Variants in MMP26 observed in about 807,000 individuals in gnomAD.
MMP26 encodes matrix metallopeptidase 26.
Under a neutral mutation model 31.0 loss-of-function variants are expected in MMP26, and 33 were observed. That is an observed-to-expected ratio of 1.06 (90% CI 0.81 to 1.42). The LOEUF (loss-of-function observed/expected upper bound fraction) is 1.42, where lower values mean the gene tolerates loss of function less well. Ranked by LOEUF, MMP26 falls within the 40% of genes most tolerant of loss-of-function variation. The pLI is 0.00. For synonymous variants in MMP26, 122 were observed against 114.9 expected, an observed-to-expected ratio of 1.06 and a Z score of -0.40; for missense variants, 347 against 316.1, an observed-to-expected ratio of 1.10 and a Z score of -0.74.
chr11:4,773,198 C>T lies in MMP26; in HGVS notation c.-145+5857C>T, dbSNP rs190770733. The stretch of plus-strand genomic sequence containing the variant: ...CTTGGACTCAGCCCATGTTTATCCT[C>T]TGCTGTTGAGTGTGGGTAGGACCTC... On this transcript the variant is annotated intron_variant, in intron 2 of 7. Coordinates refer to ENST00000380390, the MANE Select transcript of MMP26 (RefSeq NM_021801.5). Among the ~76,000 whole-genome samples, 263 of 152,316 alleles carry T rather than the reference C, an allele frequency of 1.7e-3. 1 individual carries two copies. Among genetic ancestry groups the T allele is most frequent in the South Asian group, 9.3e-3 (45 of 4,826 alleles).
chr11:4,848,475 C>G, intron 2 of MMP26: 4 of 1,613,402 alleles, frequency 2.5e-6, no homozygotes, highest in Non-Finnish European at 3.4e-6. Context: ...ACAGGTTTGA[C>G]CAGCCTTCCA....
chr11:4,905,717 G>A (rs10500628), intron 2 of MMP26, among the ~76,000 whole-genome samples: 21,493 of 151,902 alleles, frequency 0.14, 2,082 homozygotes, highest in East Asian at 0.56. Flanking sequence ...AAATATAGGC[G>A]GAATTTATAA....
chr11:4,893,562 A>G (rs1331782071), intron 2 of MMP26, among the ~76,000 whole-genome samples: 1 of 151,992 alleles, frequency 6.6e-6, no homozygotes, highest in Non-Finnish European at 1.5e-5. Flanking sequence ...CCTCAGTCAT[A>G]CTCTTTCCTT....
chr11:4,919,096 G>C (rs1209709315), intron 2 of MMP26: 2 of 152,258 alleles, frequency 1.3e-5, no homozygotes, highest in African/African-American at 4.8e-5. Context: ...ATGTGAGAAA[G>C]CTGTTGTCTA....
At chr11:4,898,870 T>A (rs10836929) in intron 2 of MMP26, among the ~76,000 whole-genome samples, 69,466 of 144,308 alleles carry the variant, frequency 0.48, 18,591 homozygotes, top group Middle Eastern at 0.68. Context: ...TGTGTGTGTG[T>A]GTGTGTTCTT....
rs75490350 is a variant in MMP26, at chr11:4,744,534, G to T, written c.-216-22736G>T. Among the ~76,000 whole-genome samples the T allele has an allele frequency of 3.7e-3, 565 of 152,258 alleles. 6 individuals carry two copies. Among genetic ancestry groups the T allele is most frequent in the African/African-American group, 0.012 (488 of 41,552 alleles). On this transcript the variant is annotated intron_variant, in intron 1 of 7. Transcript: ENST00000380390. ...ATTCAGTGAAGAGGATGAGGAAGAG[G>T]CAGGGCTCTGAGGTCCAATTCAGCT...
At chr11:4,731,955 C>T (rs1774469450) in intron 1 of MMP26, among the ~76,000 whole-genome samples, 2 of 152,162 alleles carry the variant, frequency 1.3e-5, no homozygotes, top group Non-Finnish European at 2.9e-5. Context: ...TCTGTTCCTC[C>T]TGGATGTTGC....
intron 2 of MMP26, among the ~76,000 whole-genome samples, chr11:4,828,778 A>G (rs11034106): frequency 0.084 from 12,790 of 152,244 alleles, 815 homozygotes; most frequent in African/African-American, 0.18. Context: ...TGCCAGAGCA[A>G]TAAGTTGAGA....
intron 2 of MMP26, among the ~76,000 whole-genome samples, chr11:4,889,407 C>G (rs1025576857): frequency 5.9e-5 from 9 of 152,088 alleles, no homozygotes; most frequent in Admixed American, 5.9e-4. Context: ...ATGTTCAGTA[C>G]AGATGCAATC....
chr11:4,858,377 G>T (rs936490746), intron 2 of MMP26, among the ~76,000 whole-genome samples: 1 of 152,142 alleles, frequency 6.6e-6, no homozygotes, highest in African/African-American at 2.4e-5. Flanking sequence ...CTTCAGCAAA[G>T]TCTCAGGATA....
chr11:4,907,568 G>A, intron 2 of MMP26: 1 of 1,613,970 alleles, frequency 6.2e-7, no homozygotes, highest in Non-Finnish European at 8.5e-7. Context: ...TGCCATGTTG[G>A]CTGTCTCTGA....
At chr11:4,964,447 G>A (rs1564816157) in intron 2 of MMP26, among the ~76,000 whole-genome samples, 1 of 152,020 alleles carries the variant, frequency 6.6e-6, no homozygotes, top group Non-Finnish European at 1.5e-5. Context: ...TTTCTGGACT[G>A]TCTATTCTGT....
intron 1 of MMP26, chr11:4,723,668 C>T: frequency 1.1e-6 from 1 of 877,442 alleles, no homozygotes; most frequent in Non-Finnish European, 2.0e-6. Context: ...TTGCAGTTCT[C>T]CATCAGCCCT....
intron 2 of MMP26, among the ~76,000 whole-genome samples, chr11:4,887,604 G>T (rs1276216319): frequency 6.6e-6 from 1 of 152,084 alleles, no homozygotes; most frequent in East Asian, 1.9e-4. Flanking sequence ...TTTGGCAATA[G>T]GTTTCCTAAT....
At chr11:4,833,992 G>C (rs1849681452) in intron 2 of MMP26, among the ~76,000 whole-genome samples, 1 of 152,108 alleles carries the variant, frequency 6.6e-6, no homozygotes, top group East Asian at 1.9e-4. Flanking sequence ...TCGATGGTAT[G>C]TGCTTGGTAG....
chr11:4,990,950 A>C (rs1180854427), intron 5 of MMP26, among the ~76,000 whole-genome samples: 1 of 152,254 alleles, frequency 6.6e-6, no homozygotes, highest in Non-Finnish European at 1.5e-5. Context: ...TGTTGGCTGC[A>C]GTGTGAATAT....
chr11:4,863,762 A>G, intron 2 of MMP26: 1 of 152,188 alleles, frequency 6.6e-6, no homozygotes, highest in East Asian at 1.9e-4. Context: ...CACCTCTGAA[A>G]GAACTCCCAT....
rs1044726102 is a variant in MMP26 at position 4,924,162 on chromosome 11, G to A, written c.-144-63906G>A. The A allele has an allele frequency of 1.9e-6, 3 of 1,614,194 alleles. No homozygotes were observed. In the African/African-American group the frequency reaches 4.0e-5, roughly 22 times the overall value. ...AGCATGCCCAAGAAATAGTACATGG[G>A]TCCATGGAGAGTGGCATCAGTACAA... is the stretch of plus-strand genomic sequence containing the variant. On this transcript the variant is annotated intron_variant, in intron 2 of 7. Coordinates refer to ENST00000380390, the MANE Select transcript of MMP26 (RefSeq NM_021801.5).
chr11:4,904,376 A>G (rs1850850944), intron 2 of MMP26, among the ~76,000 whole-genome samples: 1 of 152,052 alleles, frequency 6.6e-6, no homozygotes, highest in Middle Eastern at 3.2e-3. Flanking sequence ...GTGGTATGGG[A>G]AATATTTTAC....
Sources: gnomAD v4.1 joint callset for allele counts (sites outside exome capture counted in the v4.1 genomes callset) on GRCh38, gnomAD v4.1.1 for gene constraint, MANE v1.5 for transcripts, NCBI Gene and HGNC (gene_info 2026-07-23, HGNC 2026-07-21) for gene names.